DDAH1: variants seen among roughly 807,000 people sequenced by gnomAD.
DDAH1 encodes dimethylarginine dimethylaminohydrolase 1.
In DDAH1, 19 loss-of-function variants were observed where a neutral mutation model predicts 28.8. That is an observed-to-expected ratio of 0.66 (90% CI 0.46 to 0.97). The LOEUF (loss-of-function observed/expected upper bound fraction) is 0.97. DDAH1 is among the 50% of genes least tolerant of loss of function. The probability of loss-of-function intolerance (pLI) is 0.00; values close to 1 mark genes in which losing one functional copy is unlikely to be tolerated. For synonymous variants in DDAH1, 153 were observed against 154.4 expected, an observed-to-expected ratio of 0.99 and a Z score of 0.07; for missense variants, 326 against 375.9, an observed-to-expected ratio of 0.87 and a Z score of 1.10.
intron 1 of DDAH1, among the ~76,000 whole-genome samples, chr1:85,500,198 T>A (rs1368973663): frequency 6.6e-6 from 1 of 150,650 alleles, no homozygotes; most frequent in African/African-American, 2.4e-5. Context: ...TTTTCTTCCT[T>A]CCTTTCTTCC....
intron 4 of DDAH1, among the ~76,000 whole-genome samples, chr1:85,343,194 A>AGGAAAAAAAAGCACATT (rs1648615666): frequency 1.3e-5 from 2 of 152,220 alleles, no homozygotes; most frequent in Admixed American, 1.3e-4. Context: ...AAAGCCCAAA[A>AGGAAAAAAAAGCACATT]GGAAAAAAAA....
At chr1:85,513,952 T>C (rs1657349183) in intron 1 of DDAH1, among the ~76,000 whole-genome samples, 2 of 152,212 alleles carry the variant, frequency 1.3e-5, no homozygotes. Context: ...TGGCGATTCC[T>C]CAAGGATCTA....
chr1:85,331,379 G>T (rs1647749565), intron 4 of DDAH1, among the ~76,000 whole-genome samples: 1 of 151,370 alleles, frequency 6.6e-6, no homozygotes, highest in Non-Finnish European at 1.5e-5. Context: ...AATATTCAAA[G>T]CACATTTTTG....
intron 1 of DDAH1, among the ~76,000 whole-genome samples, chr1:85,570,326 C>T (rs1033043396): frequency 4.0e-5 from 6 of 150,406 alleles, no homozygotes; most frequent in African/African-American, 9.8e-5. Context: ...TATTCCATAC[C>T]TTTGATCCTT....
chr1:85,556,013 G>A (rs17127884), intron 1 of DDAH1, among the ~76,000 whole-genome samples: 3,039 of 152,214 alleles, frequency 0.02, 109 homozygotes, highest in African/African-American at 0.07. Flanking sequence ...ACAGATATGA[G>A]TGGCGGGTAG....
At chr1:85,399,476 A>G (rs1651968758) in intron 1 of DDAH1, 1 of 152,258 alleles carries the variant, frequency 6.6e-6, no homozygotes, top group Non-Finnish European at 1.5e-5. Flanking sequence ...ATTGTTAAAT[A>G]CAAAATATAG....
At chr1:85,419,892 G>A (rs1165978275) in intron 1 of DDAH1, among the ~76,000 whole-genome samples, 1 of 152,078 alleles carries the variant, frequency 6.6e-6, no homozygotes, top group African/African-American at 2.4e-5. Context: ...TATTTTTGTA[G>A]AATGTCCCTC....
intron 1 of DDAH1, among the ~76,000 whole-genome samples, chr1:85,572,977 T>C (rs573749914): frequency 6.6e-6 from 1 of 152,350 alleles, no homozygotes; most frequent in African/African-American, 2.4e-5. Context: ...ATAACTAGAG[T>C]TCTAAAGAAT....
At chr1:85,507,945 G>C (rs1213176081) in intron 1 of DDAH1, among the ~76,000 whole-genome samples, 1 of 152,182 alleles carries the variant, frequency 6.6e-6, no homozygotes, top group Non-Finnish European at 1.5e-5. Context: ...CTGCCTAAAA[G>C]CTTACTTCGA....
intron 1 of DDAH1, among the ~76,000 whole-genome samples, chr1:85,457,161 T>A (rs1219836869): frequency 6.6e-6 from 1 of 152,184 alleles, no homozygotes; most frequent in Admixed American, 6.5e-5. Flanking sequence ...TTTCAAAAGA[T>A]CTGAGAGGGC....
chr1:85,536,788 G>A (rs1383233269), intron 1 of DDAH1, among the ~76,000 whole-genome samples: 5 of 151,788 alleles, frequency 3.3e-5, no homozygotes, highest in South Asian at 2.1e-4. Flanking sequence ...ATTACCATAC[G>A]ATCCAGAAAT....
chr1:85,474,084 A>T (rs1433999650), intron 2 of DDAH1, among the ~76,000 whole-genome samples: 1 of 152,204 alleles, frequency 6.6e-6, no homozygotes, highest in Non-Finnish European at 1.5e-5. Context: ...TTAAGCCAGT[A>T]ATCTGAGTGT....
intron 1 of DDAH1, among the ~76,000 whole-genome samples, chr1:85,577,019 C>G (rs1435510946): frequency 6.6e-6 from 1 of 152,058 alleles, no homozygotes; most frequent in Non-Finnish European, 1.5e-5. Flanking sequence ...TCTTGAAAGA[C>G]TTTCACCAAA....
At chr1:85,494,371 T>C (rs1216149841) in intron 2 of DDAH1, 1 of 152,142 alleles carries the variant, frequency 6.6e-6, no homozygotes, top group Non-Finnish European at 1.5e-5. Context: ...TAATAATAAT[T>C]TTAAAAGCAA....
intron 2 of DDAH1, among the ~76,000 whole-genome samples, chr1:85,358,523 C>T (rs1395592167): frequency 6.6e-6 from 1 of 152,150 alleles, no homozygotes; most frequent in Non-Finnish European, 1.5e-5. Context: ...GTGGCACACA[C>T]CTGTAATCCC....
intron 1 of DDAH1, among the ~76,000 whole-genome samples, chr1:85,570,078 T>C (rs1254951895): frequency 2.0e-5 from 3 of 152,154 alleles, no homozygotes; most frequent in African/African-American, 7.2e-5. Context: ...GAAACAAGAC[T>C]TCATTCAATC....
chr1:85,361,596 C>A (rs1649801790), intron 1 of DDAH1, among the ~76,000 whole-genome samples: 1 of 152,174 alleles, frequency 6.6e-6, no homozygotes, highest in African/African-American at 2.4e-5. Flanking sequence ...AAAGTATATA[C>A]AGTAATTTTC....
rs1557686884 is a variant in DDAH1 at position 85,491,043 on chromosome 1, A to ACTC, written c.-7+5122_-7+5123insGAG. Among the ~76,000 whole-genome samples the ACTC allele has an allele frequency of 2.1e-3, 168 of 79,316 alleles. 46 individuals carry two copies. The highest frequency in any genetic ancestry group is 2.5e-3 in the Admixed American group (14 of 5,548). 52.0% of individuals were successfully genotyped at this position (79,316 alleles called of 152,430 possible). A position where few individuals can be genotyped will look rare whatever the true frequency, so the allele number is the denominator to read the frequency against. On this transcript the variant is annotated intron_variant, in intron 2 of 6. Transcript: ENST00000426972. ...TCTTCTAATGACAACAGTAACATGT[A>ACTC]TTCTTTTTTTTTTTTTTTTTTTTGA...
At chr1:85,336,665 G>A (rs566977529) in intron 4 of DDAH1, among the ~76,000 whole-genome samples, 1 of 151,222 alleles carries the variant, frequency 6.6e-6, no homozygotes, top group South Asian at 2.1e-4. Context: ...CTAGTAGAAG[G>A]AAAGAAATAA....
Sources: allele counts gnomAD v4.1 joint callset (sites outside exome capture counted in the v4.1 genomes callset), GRCh38; gene constraint gnomAD v4.1.1; transcripts MANE v1.5; gene names NCBI Gene and HGNC (gene_info 2026-07-23, HGNC 2026-07-21).